CACNA2D1: variants seen among roughly 807,000 people sequenced by gnomAD.
CACNA2D1 encodes calcium voltage-gated channel auxiliary subunit alpha2delta 1.
A neutral mutation model predicts 171.5 loss-of-function variants in CACNA2D1; 53 were observed. The observed-to-expected ratio is 0.31, with a 90% CI of 0.25 to 0.39. The LOEUF is 0.39. CACNA2D1 is among the 10% of genes least tolerant of loss of function. The pLI, the probability that CACNA2D1 is intolerant of heterozygous loss-of-function variation, is 1.00. For missense variants in CACNA2D1, 903 were observed against 1,299.8 expected, an observed-to-expected ratio of 0.69 and a Z score of 4.69; for synonymous variants, 442 against 443.1, an observed-to-expected ratio of 1.00 and a Z score of 0.03.
intron 2 of CACNA2D1, among the ~76,000 whole-genome samples, chr7:82,338,149 T>C (rs543515979): frequency 3.9e-5 from 6 of 152,178 alleles, no homozygotes; most frequent in Non-Finnish European, 8.8e-5. Context: ...ATCACAATTA[T>C]ACATTTTAAA....
At chr7:82,208,951 TTTTA>T (rs1297161121) in intron 3 of CACNA2D1, among the ~76,000 whole-genome samples, 6 of 152,188 alleles carry the variant, frequency 3.9e-5, no homozygotes, top group African/African-American at 1.2e-4. Flanking sequence ...TATATACAAT[TTTTA>T]TTTGTCAATT....
chr7:82,177,931 T>A (rs543206851), intron 3 of CACNA2D1, among the ~76,000 whole-genome samples: 35 of 152,270 alleles, frequency 2.3e-4, no homozygotes, highest in African/African-American at 4.6e-4. Context: ...ATAAATCTTA[T>A]AATGTACAAG....
At chr7:82,077,475 A>G (rs958836631) in intron 7 of CACNA2D1, among the ~76,000 whole-genome samples, 2 of 152,170 alleles carry the variant, frequency 1.3e-5, no homozygotes, top group Non-Finnish European at 2.9e-5. Context: ...ATGACAGAGT[A>G]GTGAGATCTG....
intron 4 of CACNA2D1, among the ~76,000 whole-genome samples, chr7:82,165,932 TCA>T (rs764337800): frequency 1.3e-5 from 2 of 152,052 alleles, no homozygotes; most frequent in East Asian, 3.9e-4. Context: ...TGCTACGCTC[TCA>T]CTTTTTATCC....
At chr7:82,107,299 T>C (rs1398564592) in intron 6 of CACNA2D1, among the ~76,000 whole-genome samples, 1 of 151,966 alleles carries the variant, frequency 6.6e-6, no homozygotes, top group African/African-American at 2.4e-5. Context: ...GTTGCCTGGG[T>C]CAAAGGAACC....
At chr7:81,955,415 T>G (rs1365814828) in intron 38 of CACNA2D1, among the ~76,000 whole-genome samples, 2 of 152,278 alleles carry the variant, frequency 1.3e-5, no homozygotes, top group Middle Eastern at 6.8e-3. Context: ...TTTTTCAACT[T>G]AATTGTTTCA....
In CACNA2D1 at chr7:82,016,620, C is replaced by A. The variant is rs1392392316; in HGVS notation, c.1144-2141G>T. 2.1e-4 allele frequency among the ~76,000 whole-genome samples: 25 copies of A among 120,202 alleles called. 1 individual carries two copies. Among genetic ancestry groups the A allele is most frequent in the Middle Eastern group, 4.0e-3 (1 of 252 alleles). The allele number at this position is 120,202 out of a possible 152,430, so 78.9% of individuals were successfully genotyped here. A position where few individuals can be genotyped will look rare whatever the true frequency, so the allele number is the denominator to read the frequency against. The stretch of plus-strand genomic sequence containing the variant: ...AAACACTAGCCGCCCGCCCCCCCCC[C>A]CCAAAAAAAAAGCTTGTTGCTTTAT... On this transcript the variant is annotated intron_variant, in intron 12 of 38. Coordinates refer to ENST00000356860, the MANE Select transcript of CACNA2D1 (RefSeq NM_000722.4).
At chr7:82,204,887 T>C (rs886606591) in intron 3 of CACNA2D1, among the ~76,000 whole-genome samples, 6 of 152,278 alleles carry the variant, frequency 3.9e-5, no homozygotes, top group African/African-American at 1.4e-4. Context: ...CAGTCCAGCA[T>C]GACTCAGCGA....
intron 1 of CACNA2D1, among the ~76,000 whole-genome samples, chr7:82,412,674 A>C (rs1477849124): frequency 6.6e-6 from 1 of 151,810 alleles, no homozygotes; most frequent in African/African-American, 2.4e-5. Context: ...TGCTCAGTTT[A>C]TTTCTGAAAG....
intron 7 of CACNA2D1, among the ~76,000 whole-genome samples, chr7:82,083,234 G>T (rs921540608): frequency 3.3e-5 from 5 of 152,076 alleles, no homozygotes; most frequent in African/African-American, 1.2e-4. Flanking sequence ...ACATAATGCT[G>T]TAAGTTACTG....
At chr7:82,156,018 A>G (rs1379143349) in intron 4 of CACNA2D1, among the ~76,000 whole-genome samples, 2 of 152,312 alleles carry the variant, frequency 1.3e-5, no homozygotes, top group South Asian at 2.1e-4. Context: ...TCAATTTACT[A>G]AAAATTAAAA....
At chr7:82,116,285 G>GCT (rs1563072412) in intron 6 of CACNA2D1, among the ~76,000 whole-genome samples, 2 of 151,210 alleles carry the variant, frequency 1.3e-5, no homozygotes, top group Non-Finnish European at 3.0e-5. Context: ...ACATGATAGA[G>GCT]CTGTCTTTTG....
At chr7:82,093,728 C>T (rs1811512573) in intron 6 of CACNA2D1, among the ~76,000 whole-genome samples, 1 of 152,138 alleles carries the variant, frequency 6.6e-6, no homozygotes, top group East Asian at 1.9e-4. Flanking sequence ...AGAATAGTCG[C>T]ACTAAGATTC....
chr7:82,275,692 G>T (rs577004286), intron 3 of CACNA2D1, among the ~76,000 whole-genome samples: 1 of 152,158 alleles, frequency 6.6e-6, no homozygotes, highest in African/African-American at 2.4e-5. Flanking sequence ...AAGGCAATAC[G>T]CACAGGAAGG....
intron 7 of CACNA2D1, among the ~76,000 whole-genome samples, chr7:82,078,907 GA>G (rs1563011863): frequency 6.6e-6 from 1 of 150,710 alleles, no homozygotes; most frequent in African/African-American, 2.4e-5. Context: ...GGAGAAAGAG[GA>G]AAAAAAGAAA....
chr7:82,389,417 C>CATTT (rs543490488), intron 1 of CACNA2D1, among the ~76,000 whole-genome samples: 26 of 152,106 alleles, frequency 1.7e-4, no homozygotes, highest in African/African-American at 6.3e-4. Context: ...TCCCAATATT[C>CATTT]ATTTACGTAT....
At chr7:82,377,159 A>G (rs1276609817) in intron 1 of CACNA2D1, among the ~76,000 whole-genome samples, 1 of 152,216 alleles carries the variant, frequency 6.6e-6, no homozygotes, top group African/African-American at 2.4e-5. Flanking sequence ...TCCATTCCTA[A>G]TAAAAATTGA....
chr7:82,386,210 GA>G (rs1824344339), intron 1 of CACNA2D1, among the ~76,000 whole-genome samples: 2 of 152,022 alleles, frequency 1.3e-5, no homozygotes, highest in South Asian at 2.1e-4. Flanking sequence ...TCAGCAAGGG[GA>G]AAAAAATACT....
intron 3 of CACNA2D1, among the ~76,000 whole-genome samples, chr7:82,307,702 T>C (rs937688661): frequency 6.6e-6 from 1 of 152,092 alleles, no homozygotes; most frequent in African/African-American, 2.4e-5. Context: ...GGGTGGCTCT[T>C]GATCTTGTTA....
Sources: allele counts gnomAD v4.1 joint callset (sites outside exome capture counted in the v4.1 genomes callset), GRCh38; gene constraint gnomAD v4.1.1; transcripts MANE v1.5; gene names NCBI Gene and HGNC (gene_info 2026-07-23, HGNC 2026-07-21).